SPON1: variants seen among roughly 807,000 people sequenced by gnomAD.
The protein encoded by SPON1 is spondin 1, also known as spondin-1.
A neutral mutation model predicts 111.7 loss-of-function variants in SPON1; 52 were observed. The ratio of observed to expected loss-of-function variants is 0.47; its 90% CI spans 0.37 to 0.59. The LOEUF is 0.59. Among genes scored for constraint, SPON1 ranks in the 20% least tolerant of loss-of-function variants. The pLI is 0.00. For missense variants in SPON1, 957 were observed against 1,068.5 expected (o/e 0.90, Z 1.46); for synonymous variants, 410 against 395.8 (o/e 1.04, Z -0.43).
chr11:14,073,884 G>C (rs967758861), intron 3 of SPON1, among the ~76,000 whole-genome samples: 1 of 152,136 alleles, frequency 6.6e-6, no homozygotes, highest in Non-Finnish European at 1.5e-5. Context: ...GAAGACAAAT[G>C]GGGGAAGAGG....
At chr11:14,071,971 T>A (rs1358574419) in intron 3 of SPON1, among the ~76,000 whole-genome samples, 4 of 152,196 alleles carry the variant, frequency 2.6e-5, no homozygotes, top group Non-Finnish European at 5.9e-5. Flanking sequence ...AGTGCTGGGA[T>A]TACTGGTGTG....
intron 5 of SPON1, among the ~76,000 whole-genome samples, chr11:14,090,839 C>A (rs1355028343): frequency 5.2e-5 from 2 of 38,290 alleles, no homozygotes; most frequent in Non-Finnish European, 1.2e-4. Context: ...CCCCCCCCCC[C>A]CCCCCGCCCA....
chr11:14,047,207 A>G (rs1378715097), intron 3 of SPON1, among the ~76,000 whole-genome samples: 1 of 152,202 alleles, frequency 6.6e-6, no homozygotes, highest in Non-Finnish European at 1.5e-5. Context: ...CCTCTAGTAC[A>G]GTATTGCATA....
At chr11:14,007,641 T>A (rs1425210472) in intron 2 of SPON1, among the ~76,000 whole-genome samples, 1 of 152,162 alleles carries the variant, frequency 6.6e-6, no homozygotes, top group Non-Finnish European at 1.5e-5. Flanking sequence ...ATACTTTGCA[T>A]CCTTCAATCC....
chr11:14,002,995 T>A (rs1275585093), intron 2 of SPON1, among the ~76,000 whole-genome samples: 3 of 152,156 alleles, frequency 2.0e-5, no homozygotes, highest in African/African-American at 7.2e-5. Flanking sequence ...CCCACTTCTC[T>A]GCTGTTGTTC....
chr11:14,241,559 G>A (rs1349966845), intron 6 of SPON1, among the ~76,000 whole-genome samples: 8 of 152,114 alleles, frequency 5.3e-5, no homozygotes, highest in East Asian at 3.9e-4. Flanking sequence ...GCTCAGGCAC[G>A]CCTGAGCTGT....
At chr11:14,018,714 A>T (rs889409036) in intron 2 of SPON1, among the ~76,000 whole-genome samples, 29 of 152,198 alleles carry the variant, frequency 1.9e-4, no homozygotes, top group African/African-American at 6.8e-4. Flanking sequence ...CATGGGCTAC[A>T]TTGTAGAAGA....
intron 2 of SPON1, among the ~76,000 whole-genome samples, chr11:14,015,850 C>T (rs1324862842): frequency 6.6e-6 from 1 of 152,148 alleles, no homozygotes; most frequent in African/African-American, 2.4e-5. Context: ...GGACAATATC[C>T]AGGCTCTAGG....
intron 6 of SPON1, among the ~76,000 whole-genome samples, chr11:14,183,734 T>C (rs1848258744): frequency 1.3e-5 from 2 of 152,104 alleles, no homozygotes; most frequent in African/African-American, 4.8e-5. Flanking sequence ...GTGCCCAAGG[T>C]CTCACAGCTG....
intron 1 of SPON1, among the ~76,000 whole-genome samples, chr11:13,972,142 G>C (rs1554908651): frequency 6.6e-6 from 1 of 152,114 alleles, no homozygotes; most frequent in African/African-American, 2.4e-5. Context: ...CTTGTACTTT[G>C]TGCCCCAGAT....
At chr11:14,064,174 G>T (rs1487233162) in intron 3 of SPON1, among the ~76,000 whole-genome samples, 5 of 152,174 alleles carry the variant, frequency 3.3e-5, no homozygotes, top group South Asian at 4.1e-4. Context: ...GAATAACAAG[G>T]TTCCTACCCT....
At chr11:14,091,259 A>G (rs554703433) in intron 5 of SPON1, among the ~76,000 whole-genome samples, 10 of 152,296 alleles carry the variant, frequency 6.6e-5, no homozygotes, top group Non-Finnish European at 4.4e-5. Flanking sequence ...AGCCCAGCTG[A>G]CTTCACCTAG....
At chr11:14,043,168 T>G (rs1326483089) in intron 3 of SPON1, among the ~76,000 whole-genome samples, 1 of 152,196 alleles carries the variant, frequency 6.6e-6, no homozygotes, top group Admixed American at 6.5e-5. Context: ...CAGAGCCTGT[T>G]GTATAACAAG....
chr11:14,260,619 C>T lies in SPON1; in HGVS notation c.1863C>T (p.Ser621=), dbSNP rs373481348. Residue 621 remains serine, a synonymous_variant, in exon 14 of 16, where the codon TCC becomes TCT. Transcript: ENST00000576479. ...TCCCATGCTTGCTGTCCCCATGGTCCGAGTGGAGTGACTGCAGCGTGACCT... is the reference window on the plus strand; with the variant it reads ...TCCCATGCTTGCTGTCCCCATGGTCTGAGTGGAGTGACTGCAGCGTGACCT... ...HTIPCLLSPW[S]EWSDCSVTCG... 22 of 1,613,750 alleles carry T rather than the reference C, an allele frequency of 1.4e-5. No individual in the cohort carries two copies. Among genetic ancestry groups the T allele is most frequent in the East Asian group, 2.2e-5 (1 of 44,894 alleles).
At chr11:14,087,268 T>G (rs112141003) in intron 5 of SPON1, among the ~76,000 whole-genome samples, 1,716 of 152,336 alleles carry the variant, frequency 0.011, 23 homozygotes, top group African/African-American at 0.039. Context: ...TCCTGCTTTC[T>G]GATGTGGGAT....
chr11:14,084,058 A>G (rs1466937007), intron 5 of SPON1, among the ~76,000 whole-genome samples: 1 of 152,216 alleles, frequency 6.6e-6, no homozygotes, highest in Non-Finnish European at 1.5e-5. Context: ...AGTCACACAG[A>G]AAAAATAAAA....
intron 2 of SPON1, among the ~76,000 whole-genome samples, chr11:14,038,859 G>A (rs1245895515): frequency 6.6e-6 from 1 of 152,156 alleles, no homozygotes; most frequent in African/African-American, 2.4e-5. Flanking sequence ...TTACCCAAAT[G>A]AACTAAAAAT....
intron 6 of SPON1, among the ~76,000 whole-genome samples, chr11:14,172,883 C>A (rs1158211384): frequency 6.6e-6 from 1 of 152,048 alleles, no homozygotes; most frequent in Non-Finnish European, 1.5e-5. Flanking sequence ...GATGGGCTTC[C>A]GTTTGTGGGT....
intron 2 of SPON1, among the ~76,000 whole-genome samples, chr11:14,024,509 C>T (rs1329695959): frequency 1.3e-5 from 2 of 152,020 alleles, no homozygotes; most frequent in Non-Finnish European, 2.9e-5. Context: ...CTCTGATGGC[C>T]CCTGGCTGAA....
Sources: gnomAD v4.1 joint callset for allele counts (sites outside exome capture counted in the v4.1 genomes callset) on GRCh38, gnomAD v4.1.1 for gene constraint, MANE v1.5 for transcripts, NCBI Gene and HGNC (gene_info 2026-07-23, HGNC 2026-07-21) for gene names.